Variants in FAT3 observed in about 807,000 individuals in gnomAD.
FAT3 encodes the protein FAT atypical cadherin 3.
In FAT3, 95 loss-of-function variants were observed where a neutral mutation model predicts 310.2. The observed-to-expected ratio is 0.31, with a 90% CI of 0.26 to 0.36. The LOEUF is 0.36. Among genes scored for constraint, FAT3 ranks in the 10% least tolerant of loss-of-function variants. The pLI is 1.00. For missense variants in FAT3, 5,408 were observed against 5,715.6 expected (o/e 0.95, Z 1.74); for synonymous variants, 2,314 against 2,192.9 (o/e 1.06, Z -1.54).
At chr11:92,403,477 G>A (rs763135188) in intron 2 of FAT3, 1 of 152,204 alleles carries the variant, frequency 6.6e-6, no homozygotes, top group Non-Finnish European at 1.5e-5. Context: ...GTGATTAAGT[G>A]CCAGGTGGAT....
intron 17 of FAT3, among the ~76,000 whole-genome samples, chr11:92,840,029 G>A (rs978228178): frequency 1.3e-5 from 2 of 152,172 alleles, no homozygotes; most frequent in African/African-American, 2.4e-5. Flanking sequence ...AGAGAATTAG[G>A]TAAGGTATAA....
chr11:92,706,265 G>T (rs1198081059), intron 4 of FAT3, among the ~76,000 whole-genome samples: 1 of 152,048 alleles, frequency 6.6e-6, no homozygotes, highest in Non-Finnish European at 1.5e-5. Context: ...CCTATTATCT[G>T]AAGAGTAAAT....
rs369512984 is a variant in FAT3, at chr11:92,437,843, A to G, written c.3292+82439A>G. On this transcript the variant is annotated intron_variant, in intron 2 of 27. Coordinates refer to ENST00000525166, the MANE Select transcript of FAT3 (RefSeq NM_001367949.2). Reference sequence around the variant, plus strand: ...GCCAGAACATGGAAAGTAGATTTCAATCATTAGTCTGGGGATCAGCATGGG... The same window carrying G: ...GCCAGAACATGGAAAGTAGATTTCAGTCATTAGTCTGGGGATCAGCATGGG... Among the ~76,000 whole-genome samples the G allele has an allele frequency of 2.2e-4, 34 of 152,306 alleles. No individual in the cohort carries two copies. The South Asian group carries it at 6.6e-3, about 30-fold the overall frequency.
chr11:92,289,871 A>G (rs112244131), intron 1 of FAT3, among the ~76,000 whole-genome samples: 7 of 152,148 alleles, frequency 4.6e-5, no homozygotes, highest in African/African-American at 1.7e-4. Flanking sequence ...GTCAGATCCT[A>G]TCCCTTCTCT....
chr11:92,430,980 T>C (rs1163630848), intron 2 of FAT3, among the ~76,000 whole-genome samples: 1 of 152,200 alleles, frequency 6.6e-6, no homozygotes, highest in African/African-American at 2.4e-5. Flanking sequence ...TACGTGTGCA[T>C]GTGTCTTTAT....
intron 1 of FAT3, among the ~76,000 whole-genome samples, chr11:92,339,293 A>G (rs1565237516): frequency 6.6e-6 from 1 of 152,180 alleles, no homozygotes; most frequent in African/African-American, 2.4e-5. Flanking sequence ...GAGATTGCCA[A>G]ATGTCCCATG....
chr11:92,392,275 A>G (rs953020915), intron 2 of FAT3, among the ~76,000 whole-genome samples: 1 of 152,184 alleles, frequency 6.6e-6, no homozygotes, highest in Non-Finnish European at 1.5e-5. Context: ...TACTAGTATT[A>G]CAAAATAATA....
At chr11:92,641,912 A>G (rs978966793) in intron 3 of FAT3, among the ~76,000 whole-genome samples, 18 of 152,240 alleles carry the variant, frequency 1.2e-4, no homozygotes, top group African/African-American at 4.1e-4. Context: ...AGTATATACC[A>G]ATACCAAATG....
intron 3 of FAT3, among the ~76,000 whole-genome samples, chr11:92,590,916 C>T (rs755157679): frequency 1.1e-4 from 16 of 151,876 alleles, no homozygotes; most frequent in Non-Finnish European, 1.9e-4. Context: ...TGTACTAAGT[C>T]GATTACAAGA....
At chr11:92,330,235 T>C (rs1220989606) in intron 1 of FAT3, among the ~76,000 whole-genome samples, 2 of 152,180 alleles carry the variant, frequency 1.3e-5, no homozygotes, top group African/African-American at 4.8e-5. Context: ...CAAAACTCCA[T>C]GTATGTTGAA....
At chr11:92,489,844 G>C (rs1167266910) in intron 2 of FAT3, among the ~76,000 whole-genome samples, 1 of 151,174 alleles carries the variant, frequency 6.6e-6, no homozygotes, top group Non-Finnish European at 1.5e-5. Context: ...TTCCATTCTT[G>C]ATTCCAAAAA....
chr11:92,697,352 T>C (rs770305020), intron 3 of FAT3, 32 bp from the exon 4 acceptor site: 5 of 1,609,172 alleles, frequency 3.1e-6, no homozygotes, highest in Admixed American at 1.7e-5. Context: ...GCCCCAGATA[T>C]TTAAAAGTCA....
chr11:92,336,202 G>A, intron 1 of FAT3: 1 of 569,020 alleles, frequency 1.8e-6, no homozygotes, highest in Admixed American at 1.9e-5. Flanking sequence ...CCAAGGACCG[G>A]GACAATGGAG....
intron 3 of FAT3, among the ~76,000 whole-genome samples, chr11:92,565,653 A>T (rs1955405422): frequency 6.6e-6 from 1 of 150,564 alleles, no homozygotes; most frequent in African/African-American, 2.4e-5. Context: ...ATACTGGCAA[A>T]CCGAATCCAG....
At chr11:92,496,194 T>C (rs971784060) in intron 2 of FAT3, among the ~76,000 whole-genome samples, 1 of 152,076 alleles carries the variant, frequency 6.6e-6, no homozygotes, top group Non-Finnish European at 1.5e-5. Context: ...TTTCGTAACG[T>C]ATGTAGCCTT....
intron 2 of FAT3, among the ~76,000 whole-genome samples, chr11:92,394,924 C>A (rs1322777831): frequency 6.6e-6 from 1 of 152,134 alleles, no homozygotes; most frequent in African/African-American, 2.4e-5. Context: ...TTAAATGTAT[C>A]CTCAGAATTC....
chr11:92,513,359 A>T (rs1031105354), intron 2 of FAT3, among the ~76,000 whole-genome samples: 1 of 152,198 alleles, frequency 6.6e-6, no homozygotes, highest in Non-Finnish European at 1.5e-5. Context: ...TAAGAATCTT[A>T]TACAGGTCCA....
chr11:92,236,726 A>G (rs1400462873), intron 1 of FAT3, among the ~76,000 whole-genome samples: 1 of 152,204 alleles, frequency 6.6e-6, no homozygotes, highest in Non-Finnish European at 1.5e-5. Flanking sequence ...ATATCCCTGA[A>G]TCTTTCTTGT....
intron 7 of FAT3, among the ~76,000 whole-genome samples, chr11:92,778,717 T>C (rs1259814238): frequency 2.6e-5 from 4 of 152,128 alleles, no homozygotes; most frequent in African/African-American, 7.2e-5. Flanking sequence ...TTTCAGCCAG[T>C]AACTCTAGTT....
Sources: gnomAD v4.1 joint callset for allele counts (sites outside exome capture counted in the v4.1 genomes callset) on GRCh38, gnomAD v4.1.1 for gene constraint, MANE v1.5 for transcripts, NCBI Gene and HGNC (gene_info 2026-07-23, HGNC 2026-07-21) for gene names.